Variants in TMEM74 observed in about 807,000 individuals in gnomAD.
TMEM74 encodes transmembrane protein 74.
A neutral mutation model predicts 18.1 loss-of-function variants in TMEM74; 13 were observed. That is an observed-to-expected ratio of 0.72 (90% CI 0.47 to 1.14). The LOEUF (loss-of-function observed/expected upper bound fraction) is 1.14. Among genes scored for constraint, TMEM74 ranks in the 50% most tolerant of loss-of-function variants. TMEM74 has a pLI of 0.00. For synonymous variants in TMEM74, 159 were observed against 146.6 expected (o/e 1.08, Z -0.61); for missense variants, 372 against 375.9 (o/e 0.99, Z 0.09).
At chr8:108,730,794 G>A (rs10111311) in intron 1 of TMEM74, among the ~76,000 whole-genome samples, 10,119 of 151,796 alleles carry the variant, frequency 0.067, 933 homozygotes, top group African/African-American at 0.21. Context: ...CACCACGCCT[G>A]GCTAATTTTT....
chr8:108,706,719 G>A (rs1221613553), intron 1 of TMEM74, among the ~76,000 whole-genome samples: 1 of 150,758 alleles, frequency 6.6e-6, no homozygotes, highest in African/African-American at 2.4e-5. Context: ...CTGCTCTTTA[G>A]TAATCTGACA....
intron 2 of TMEM74, among the ~76,000 whole-genome samples, chr8:108,639,926 T>G (rs926305257): frequency 1.3e-4 from 20 of 152,094 alleles, no homozygotes; most frequent in African/African-American, 4.8e-4. Flanking sequence ...TAATTTAAAA[T>G]AATTTTAATT....
intron 2 of TMEM74, among the ~76,000 whole-genome samples, chr8:108,620,157 A>AATGCATG (rs1812425337): frequency 1.3e-5 from 2 of 152,296 alleles, no homozygotes; most frequent in East Asian, 3.9e-4. Context: ...CATGTATGTT[A>AATGCATG]TACAATAGTT....
intron 1 of TMEM74, among the ~76,000 whole-genome samples, chr8:108,701,789 T>TATTGTCAAGATGTCAAG (rs1465083530): frequency 6.6e-6 from 1 of 152,170 alleles, no homozygotes; most frequent in Non-Finnish European, 1.5e-5. Flanking sequence ...AAAGAGTCAG[T>TATTGTCAAGATGTCAAG]ATTGTCAAGA....
intron 2 of TMEM74, among the ~76,000 whole-genome samples, chr8:108,622,945 T>G (rs182145775): frequency 7.8e-4 from 119 of 152,224 alleles, no homozygotes; most frequent in Middle Eastern, 6.8e-3. Flanking sequence ...TAAAGTAATA[T>G]GGTATGTACA....
intron 1 of TMEM74, among the ~76,000 whole-genome samples, chr8:108,658,623 C>T (rs1461753640): frequency 6.6e-6 from 1 of 152,128 alleles, no homozygotes; most frequent in Non-Finnish European, 1.5e-5. Flanking sequence ...TATCAATAGT[C>T]CTGAATGTGA....
At chr8:108,767,907 T>C (rs961425197) in intron 1 of TMEM74, among the ~76,000 whole-genome samples, 3 of 152,180 alleles carry the variant, frequency 2.0e-5, no homozygotes, top group African/African-American at 7.2e-5. Flanking sequence ...CAAGTGGCTT[T>C]ATTCTTTTAC....
chr8:108,734,601 A>T lies in TMEM74; in HGVS notation n.119+52875T>A, dbSNP rs550897024. Among the ~76,000 whole-genome samples the T allele has an allele frequency of 5.3e-5, 8 of 152,220 alleles. No individual in the cohort carries two copies. The East Asian group carries it at 1.4e-3, about 26-fold the overall frequency. ...CTCCTCCTCCCCACTACTTCAACTC[A>T]TATTTGCATCGTTTTCCTTTCTGCT... is the stretch of plus-strand genomic sequence containing the variant. On this transcript the variant is annotated intron_variant and non_coding_transcript_variant, in intron 1 of 3. Coordinates refer to the TMEM74 transcript ENST00000518838.
chr8:108,725,104 C>T (rs1457271485), intron 1 of TMEM74, among the ~76,000 whole-genome samples: 1 of 152,188 alleles, frequency 6.6e-6, no homozygotes, highest in Non-Finnish European at 1.5e-5. Context: ...GCCATCTCCC[C>T]TGGAATGTTT....
intron 1 of TMEM74, among the ~76,000 whole-genome samples, chr8:108,695,492 ACT>A (rs1293046592): frequency 6.6e-6 from 1 of 152,120 alleles, no homozygotes; most frequent in Non-Finnish European, 1.5e-5. Flanking sequence ...CTTCACAATG[ACT>A]CTATGTCATA....
intron 1 of TMEM74, among the ~76,000 whole-genome samples, chr8:108,703,687 A>G (rs1263755574): frequency 6.6e-6 from 1 of 152,198 alleles, no homozygotes; most frequent in Non-Finnish European, 1.5e-5. Flanking sequence ...TCAATCATTC[A>G]TTTATTGAGC....
In TMEM74 at chr8:108,741,095, G is replaced by A. The variant is rs75945938; in HGVS notation, n.119+46381C>T. ...TTTAAAGCATGTTGCTGAAGACTTC[G>A]TACTGTCTGATATTTTTATAATACA... On this transcript the variant is annotated intron_variant and non_coding_transcript_variant, in intron 1 of 3. Transcript: ENST00000518838. Among the ~76,000 whole-genome samples the A allele has an allele frequency of 9.3e-3, 1,407 of 152,034 alleles. 26 individuals carry two copies. Among genetic ancestry groups the A allele is most frequent in the African/African-American group, 0.033 (1,350 of 41,448 alleles).
chr8:108,627,285 G>A (rs1812503168), intron 2 of TMEM74, among the ~76,000 whole-genome samples: 1 of 151,938 alleles, frequency 6.6e-6, no homozygotes, highest in African/African-American at 2.4e-5. Context: ...CTGTCATATG[G>A]TATCCAGCTC....
intron 1 of TMEM74, among the ~76,000 whole-genome samples, chr8:108,679,576 C>T (rs2130597516): frequency 6.6e-6 from 1 of 152,236 alleles, no homozygotes; most frequent in South Asian, 2.1e-4. Flanking sequence ...ATATCCTTCG[C>T]CCACTTTTTG....
intron 1 of TMEM74, among the ~76,000 whole-genome samples, chr8:108,704,432 T>C (rs1272410295): frequency 6.6e-6 from 1 of 152,224 alleles, no homozygotes; most frequent in South Asian, 2.1e-4. Flanking sequence ...CCTCTGTCCA[T>C]GCACTTGTGT....
At chr8:108,744,728 T>C (rs1181163615) in intron 1 of TMEM74, among the ~76,000 whole-genome samples, 3 of 152,176 alleles carry the variant, frequency 2.0e-5, no homozygotes, top group Non-Finnish European at 4.4e-5. Context: ...GAACAGGCTT[T>C]AGTTTTAGGA....
chr8:108,629,870 C>A (rs566483949), intron 2 of TMEM74, among the ~76,000 whole-genome samples: 2 of 152,232 alleles, frequency 1.3e-5, no homozygotes, highest in East Asian at 3.9e-4. Flanking sequence ...GTACCAGCCA[C>A]TGCAAAAACA....
At chr8:108,645,769 A>C (rs1812711698) in intron 2 of TMEM74, among the ~76,000 whole-genome samples, 1 of 152,146 alleles carries the variant, frequency 6.6e-6, no homozygotes, top group Non-Finnish European at 1.5e-5. Flanking sequence ...GGACATTCAG[A>C]CATTCTAAGA....
intron 1 of TMEM74, among the ~76,000 whole-genome samples, chr8:108,670,477 A>G (rs1177855989): frequency 6.6e-6 from 1 of 152,214 alleles, no homozygotes; most frequent in Non-Finnish European, 1.5e-5. Context: ...CATATACTGC[A>G]GTGCTGTGTG....
Sources: allele counts gnomAD v4.1 joint callset (sites outside exome capture counted in the v4.1 genomes callset), GRCh38; gene constraint gnomAD v4.1.1; transcripts MANE v1.5; gene names NCBI Gene and HGNC (gene_info 2026-07-23, HGNC 2026-07-21).